The following NEDD1 variants were observed in gnomAD, a reference collection of about 807,000 sequenced individuals.
NEDD1 encodes protein NEDD1.
NEDD1 carries 33 observed loss-of-function variants against 74.0 expected under a neutral mutation model. The ratio of observed to expected loss-of-function variants is 0.45; its 90% CI spans 0.34 to 0.60. The LOEUF (loss-of-function observed/expected upper bound fraction) is 0.60, where lower values mean the gene tolerates loss of function less well. NEDD1 is among the 20% of genes least tolerant of loss of function. NEDD1 has a pLI of 0.01. For missense variants in NEDD1, 746 were observed against 776.5 expected, an observed-to-expected ratio of 0.96 and a Z score of 0.47; for synonymous variants, 250 against 264.4, an observed-to-expected ratio of 0.95 and a Z score of 0.53.
At chr12:96,911,906 C>T (rs1678045304) in intron 3 of NEDD1, among the ~76,000 whole-genome samples, 1 of 152,104 alleles carries the variant, frequency 6.6e-6, no homozygotes, top group African/African-American at 2.4e-5. Flanking sequence ...ATTAACCTTT[C>T]TCCATTGCTT....
At chr12:96,948,743 C>G (rs924715190) in intron 14 of NEDD1, among the ~76,000 whole-genome samples, 2 of 152,138 alleles carry the variant, frequency 1.3e-5, no homozygotes, top group East Asian at 1.9e-4. Context: ...TAGTTTGTTT[C>G]CAGTTTGCCT....
chr12:96,920,204 T>G, intron 6 of NEDD1, 79 bp downstream of exon 6: 1 of 851,936 alleles, frequency 1.2e-6, no homozygotes. Context: ...TGAATTTAAG[T>G]TTTTGAAATG....
At chr12:96,949,678 T>C (rs1592938099) in intron 14 of NEDD1, among the ~76,000 whole-genome samples, 2 of 152,092 alleles carry the variant, frequency 1.3e-5, no homozygotes, top group Admixed American at 6.6e-5. Flanking sequence ...AATTAAGATA[T>C]ATAGCATGGC....
intron 9 of NEDD1, 33 bp downstream of exon 9, chr12:96,937,426 G>GT: frequency 7.8e-7 from 1 of 1,282,522 alleles, no homozygotes; most frequent in Non-Finnish European, 1.0e-6. Context: ...TGGAGGGTTG[G>GT]TTTGTTTTTT....
chr12:96,920,144 C>A lies in NEDD1; in HGVS notation c.489+19C>A. On this transcript the variant is annotated intron_variant, in intron 6 of 15. Transcript: ENST00000266742. ...TAACCAGGTACAGTATGAGTTTATT[C>A]AGAGTAAAATTGGTAAGATAGATTT... 6.7e-7 allele frequency: 1 copy of A among 1,490,544 alleles called. No individual in the cohort carries two copies. The highest frequency in any genetic ancestry group is 1.3e-5 in the South Asian group (1 of 74,696). The allele number at this position is 1,490,544 out of a possible 1,614,324, so 92.3% of individuals were successfully genotyped here.
chr12:96,919,772 C>T (rs1213594596), intron 5 of NEDD1, among the ~76,000 whole-genome samples: 1 of 152,128 alleles, frequency 6.6e-6, no homozygotes, highest in Non-Finnish European at 1.5e-5. Context: ...GACATAATGC[C>T]ATGTAGAAAA....
intron 6 of NEDD1, among the ~76,000 whole-genome samples, chr12:96,933,586 A>T (rs1156751761): frequency 6.6e-6 from 1 of 152,196 alleles, no homozygotes; most frequent in Non-Finnish European, 1.5e-5. Context: ...TACTTTAGCC[A>T]TATGAAAATG....
chr12:96,935,249 A>G (rs957870449), intron 7 of NEDD1, 44 bp downstream of exon 7: 3 of 1,122,366 alleles, frequency 2.7e-6, no homozygotes, highest in Admixed American at 1.7e-5. Flanking sequence ...ACAAATAGCT[A>G]TTATTCCATT....
intron 14 of NEDD1, among the ~76,000 whole-genome samples, chr12:96,946,102 T>G (rs1255229703): frequency 4.6e-5 from 7 of 152,156 alleles, no homozygotes; most frequent in Non-Finnish European, 8.8e-5. Context: ...ACTGCCATTG[T>G]GAACTTTTTT....
At chr12:96,948,656 A>C (rs991369642) in intron 14 of NEDD1, among the ~76,000 whole-genome samples, 5 of 152,198 alleles carry the variant, frequency 3.3e-5, no homozygotes, top group Non-Finnish European at 5.9e-5. Flanking sequence ...TCTGTTGTCT[A>C]TTAAGAAGAT....
At chr12:96,937,933 AT>A (rs1238505261) in intron 9 of NEDD1, among the ~76,000 whole-genome samples, 8 of 152,224 alleles carry the variant, frequency 5.3e-5, no homozygotes, top group Admixed American at 2.0e-4. Context: ...CAATAAAAAA[AT>A]ATTCTGTAAA....
At chr12:96,920,636 T>C (rs1029263227) in intron 6 of NEDD1, among the ~76,000 whole-genome samples, 9 of 152,308 alleles carry the variant, frequency 5.9e-5, no homozygotes, top group African/African-American at 2.2e-4. Context: ...GGAAACTTTT[T>C]AAAAGGAAAA....
chr12:96,942,560 T>A lies in NEDD1; in HGVS notation c.1247-17T>A. Reference sequence around the variant, plus strand: ...TTTTTCACTAGTTTTAAAATTTGATTTTCTAATTTGTTATAGATGCTGTAG... The same window carrying A: ...TTTTTCACTAGTTTTAAAATTTGATATTCTAATTTGTTATAGATGCTGTAG... On this transcript the variant is annotated splice_polypyrimidine_tract_variant and intron_variant, in intron 10 of 15. Coordinates refer to ENST00000266742, the MANE Select transcript of NEDD1 (RefSeq NM_152905.4). 7.3e-7 allele frequency: 1 copy of A among 1,368,396 alleles called. No individual in the cohort carries two copies. The highest frequency in any genetic ancestry group is 1.0e-6 in the Non-Finnish European group (1 of 966,772). The allele number at this position is 1,368,396 out of a possible 1,614,324, so 84.8% of individuals were successfully genotyped here. A position where few individuals can be genotyped will look rare whatever the true frequency, so the allele number is the denominator to read the frequency against.
At chr12:96,948,084 C>A (rs1381553203) in intron 14 of NEDD1, among the ~76,000 whole-genome samples, 6 of 152,162 alleles carry the variant, frequency 3.9e-5, no homozygotes, top group Non-Finnish European at 8.8e-5. Context: ...TATTGAGGAC[C>A]TCTTTCTCAG....
chr12:96,928,764 G>C (rs1172518366), intron 6 of NEDD1, among the ~76,000 whole-genome samples: 1 of 143,420 alleles, frequency 7.0e-6, no homozygotes, highest in Non-Finnish European at 1.5e-5. Context: ...TGGGCTCACT[G>C]CAAGCTCCGC....
chr12:96,945,850 G>A lies in NEDD1; in HGVS notation c.1811+1G>A, dbSNP rs1345352456. On this transcript the variant is annotated splice_donor_variant, in intron 14 of 15. Coordinates refer to ENST00000266742, the MANE Select transcript of NEDD1 (RefSeq NM_152905.4). LOFTEE classifies it high-confidence loss of function. ...TACAGGAAACGTTGGATGACTTTAG[G>A]TAGTAATTGAGAAACTACTCCTTCT... 6.3e-7 allele frequency: 1 copy of A among 1,598,154 alleles called. No homozygotes were observed.
Position 96,952,040 on chromosome 12 carries a change from G to A in NEDD1, c.1970G>A (p.Arg657Gln), listed in dbSNP as rs767136238. 27 of 1,592,730 alleles carry A rather than the reference G, an allele frequency of 1.7e-5. No homozygotes were observed. The highest frequency in any genetic ancestry group is 5.4e-5 in the African/African-American group (4 of 74,330). The change falls in exon 16 of 16, where the codon CGG (arginine) becomes CAG (glutamine). Residue 657 changes from arginine (R) to glutamine (Q), a missense_variant. Physicochemically the swap from Arg to Gln is conservative, Grantham distance 43 (BLOSUM62 1). Around this residue, in one of 3 missense-constraint regions of NEDD1, gnomAD observed 29 missense variants for 50.8 expected, o/e 0.57. Transcript: ENST00000266742. ...CTACGAGAAGAAAACAAAAGATTAC[G>A]GGCCCACTTTTGAAATTTCAGTGAA... Reference protein sequence around the residue: ...ERLREENKRLRAHF With the variant: ...ERLREENKRLQAHF
intron 6 of NEDD1, among the ~76,000 whole-genome samples, chr12:96,928,111 T>C (rs1875910831): frequency 6.6e-6 from 1 of 152,164 alleles, no homozygotes; most frequent in African/African-American, 2.4e-5. Flanking sequence ...TTTTCTTCAG[T>C]AGAAAGCTAT....
chr12:96,918,360 A>G (rs1874695579), intron 5 of NEDD1, among the ~76,000 whole-genome samples: 1 of 151,778 alleles, frequency 6.6e-6, no homozygotes, highest in South Asian at 2.1e-4. Flanking sequence ...TTTAATATTT[A>G]GAAGTTGATC....
Sources: allele counts gnomAD v4.1 joint callset (sites outside exome capture counted in the v4.1 genomes callset), GRCh38; gene constraint gnomAD v4.1.1; regional missense constraint gnomAD v4.1.1; transcripts MANE v1.5; gene names NCBI Gene and HGNC (gene_info 2026-07-23, HGNC 2026-07-21).